Variants in SRSF12 observed in about 807,000 individuals in gnomAD.
SRSF12 encodes the protein serine and arginine rich splicing factor 12, also known as serine/arginine-rich splicing factor 12.
SRSF12 carries 21 observed loss-of-function variants against 34.1 expected under a neutral mutation model. The ratio of observed to expected loss-of-function variants is 0.62; its 90% CI spans 0.44 to 0.89. The LOEUF (loss-of-function observed/expected upper bound fraction) is 0.89, where lower values mean the gene tolerates loss of function less well. SRSF12 is among the 40% of genes least tolerant of loss of function. SRSF12 has a pLI of 0.00. For synonymous variants in SRSF12, 111 were observed against 110.8 expected (o/e 1.00, Z -0.01); for missense variants, 278 against 327.8 (o/e 0.85, Z 1.17).
rs1198476314 is a variant in SRSF12 at position 89,098,586 on chromosome 6, T to G, written c.778A>C (p.Ser260Arg). The G allele has an allele frequency of 6.2e-7, 1 of 1,608,634 alleles. No individual in the cohort carries two copies. The highest frequency in any genetic ancestry group is 8.5e-7 in the Non-Finnish European group (1 of 1,175,810). ...SRSRSYRHKN[S>R]W ...GCTCTTTCTGTTGCTGTTCACCAAC[T>G]GTTTTTATGACGATAACTTCGAGAT... The change falls in exon 5 of 5, where the codon AGT becomes CGT. Residue 260 changes from serine (S) to arginine (R), a missense_variant. Ser to Arg is a moderately radical substitution (Grantham distance 110). Transcript: ENST00000452027.
intron 2 of SRSF12, chr6:89,106,789 ACT>A: frequency 2.8e-6 from 1 of 356,580 alleles, no homozygotes; most frequent in South Asian, 2.2e-5. Context: ...TGACTCTGGA[ACT>A]CTGAGTAAAT....
At chr6:89,105,288 C>T (rs1451286365) in intron 3 of SRSF12, 28 bp from the exon 4 acceptor site, 1 of 1,587,454 alleles carries the variant, frequency 6.3e-7, no homozygotes, top group South Asian at 1.1e-5. Context: ...AGACTTATGA[C>T]ATAATTCGTT....
chr6:89,106,401 C>A (rs1268959143), intron 2 of SRSF12, among the ~76,000 whole-genome samples: 1 of 152,148 alleles, frequency 6.6e-6, no homozygotes, highest in Admixed American at 6.6e-5. Context: ...GCATGAGCCA[C>A]CGCACCCAGC....
chr6:89,099,387 T>G lies in SRSF12; in HGVS notation c.417-440A>C, dbSNP rs185467858. On this transcript the variant is annotated intron_variant, in intron 4 of 4. Transcript: ENST00000452027. ...GACTAATCTTCCCATAGAAAACAGC[T>G]CTCTCTCTCTCTCTCCATATATATA... Among the ~76,000 whole-genome samples, 627 of 64,908 alleles carry G rather than the reference T, an allele frequency of 9.7e-3. 4 individuals are homozygous for G. Among genetic ancestry groups the G allele is most frequent in the African/African-American group, 0.033 (586 of 17,748 alleles). 42.6% of individuals were successfully genotyped at this position (64,908 alleles called of 152,430 possible).
chr6:89,098,521 A>C lies in SRSF12; in HGVS notation c.*57T>G, dbSNP rs1768357974. 1 of 1,516,318 alleles carries C rather than the reference A, an allele frequency of 6.6e-7. No individual in the cohort carries two copies. The highest frequency in any genetic ancestry group is 1.4e-5 in the African/African-American group (1 of 71,826). The allele number at this position is 1,516,318 out of a possible 1,614,324, so 93.9% of individuals were successfully genotyped here. Reference sequence around the variant, plus strand: ...ATGCCTTAAAGAATTTTTATTTAACATAATGAGAGTTTAATAACTTATATT... The same window carrying C: ...ATGCCTTAAAGAATTTTTATTTAACCTAATGAGAGTTTAATAACTTATATT... On this transcript the variant is annotated 3_prime_UTR_variant, in exon 5 of 5. Transcript: ENST00000452027.
chr6:89,117,034 T>C (rs1038942581), intron 1 of SRSF12, among the ~76,000 whole-genome samples: 2 of 151,398 alleles, frequency 1.3e-5, no homozygotes, highest in African/African-American at 2.4e-5. Context: ...CCGTTCCCTC[T>C]CCCCCCGCCC....
intron 4 of SRSF12, among the ~76,000 whole-genome samples, chr6:89,102,682 T>C (rs1225349669): frequency 6.6e-6 from 1 of 152,208 alleles, no homozygotes; most frequent in Non-Finnish European, 1.5e-5. Flanking sequence ...TTTAGAGTTC[T>C]AACATACACA....
intron 1 of SRSF12, 99 bp from the exon 2 acceptor site, chr6:89,107,357 A>T: frequency 1.2e-6 from 1 of 823,422 alleles, no homozygotes; most frequent in Non-Finnish European, 2.0e-6. Context: ...AAAGAACATC[A>T]TCTAGACCAG....
intron 4 of SRSF12, among the ~76,000 whole-genome samples, chr6:89,104,362 G>C (rs1768687895): frequency 6.6e-6 from 1 of 151,420 alleles, no homozygotes; most frequent in Admixed American, 6.6e-5. Context: ...TCAACCTCCT[G>C]AGTAGCTGGG....
chr6:89,117,157 G>T (rs925761811), intron 1 of SRSF12, among the ~76,000 whole-genome samples: 3 of 152,156 alleles, frequency 2.0e-5, no homozygotes, highest in Non-Finnish European at 4.4e-5. Flanking sequence ...TGGGGCATCA[G>T]AATCAACCAG....
chr6:89,117,723 C>A (rs1489714268), intron 1 of SRSF12, 100 bp downstream of exon 1: 1 of 1,210,564 alleles, frequency 8.3e-7, no homozygotes, highest in Non-Finnish European at 1.1e-6. Context: ...AGGCTCCGCG[C>A]AGCTCCCCCG....
At chr6:89,104,601 AAAGTT>A (rs943041666) in intron 4 of SRSF12, among the ~76,000 whole-genome samples, 21 of 149,820 alleles carry the variant, frequency 1.4e-4, no homozygotes, top group Middle Eastern at 3.4e-3. Flanking sequence ...GTAAAAAGAT[AAAGTT>A]AAGTCTGTAA....
intron 1 of SRSF12, among the ~76,000 whole-genome samples, chr6:89,108,628 G>A (rs1768902658): frequency 6.6e-6 from 1 of 152,128 alleles, no homozygotes; most frequent in Non-Finnish European, 1.5e-5. Flanking sequence ...TTGGACAAAT[G>A]GAAAAAAGAT....
chr6:89,117,064 T>C (rs1272040617), intron 1 of SRSF12, among the ~76,000 whole-genome samples: 1 of 152,000 alleles, frequency 6.6e-6, no homozygotes, highest in East Asian at 1.9e-4. Context: ...TCAGCTCCAT[T>C]AAGGAAGGAA....
rs922714847 is a variant in SRSF12, at chr6:89,097,832, C to T, written c.*746G>A. The T allele has an allele frequency of 4.6e-5, 7 of 152,118 alleles. No individual in the cohort carries two copies. The highest frequency in any genetic ancestry group is 8.8e-5 in the Non-Finnish European group (6 of 68,004). 9.4% of individuals were successfully genotyped at this position (152,118 alleles called of 1,614,324 possible). A position where few individuals can be genotyped will look rare whatever the true frequency, so the allele number is the denominator to read the frequency against. ...TGTACCATTCTTCAAATGTGTAAGT[C>T]TTAATATGAATATTTTTGGATTGTG... On this transcript the variant is annotated 3_prime_UTR_variant, in exon 5 of 5. Coordinates refer to ENST00000452027, the MANE Select transcript of SRSF12 (RefSeq NM_080743.5).
Position 89,117,936 on chromosome 6 carries a change from C to T in SRSF12, c.-49G>A. The T allele has an allele frequency of 1.3e-6, 2 of 1,524,242 alleles. No homozygotes were observed. The highest frequency in any genetic ancestry group is 1.2e-5 in the South Asian group (1 of 81,922). 94.4% of individuals were successfully genotyped at this position (1,524,242 alleles called of 1,614,324 possible). On this transcript the variant is annotated 5_prime_UTR_variant, in exon 1 of 5. Coordinates refer to ENST00000452027, the MANE Select transcript of SRSF12 (RefSeq NM_080743.5). ...GGTCTGCCCGCGGCCGCTGGACTCG[C>T]TCCGTCTCCCGCTACCGCTGCTACC...
At chr6:89,111,620 GT>G (rs987616520) in intron 1 of SRSF12, among the ~76,000 whole-genome samples, 84 of 152,026 alleles carry the variant, frequency 5.5e-4, no homozygotes, top group African/African-American at 2.0e-3. Context: ...TCCAATTTTT[GT>G]ATTTTATATC....
rs1330000280 is a variant in SRSF12, at chr6:89,105,531, A to T, written c.171-1T>A. On this transcript the variant is annotated splice_acceptor_variant, in intron 2 of 4. Transcript: ENST00000452027. LOFTEE classifies it high-confidence loss of function. Reference sequence around the variant, plus strand: ...TTCAGCATCTCGAACATCTTCAAATATGACTAGCTGTTAAGGACACTTTGA... The same window carrying T: ...TTCAGCATCTCGAACATCTTCAAATTTGACTAGCTGTTAAGGACACTTTGA... 6.3e-7 allele frequency: 1 copy of T among 1,598,376 alleles called. No individual in the cohort carries two copies.
rs1435067556 is a variant in SRSF12 at position 89,117,955 on chromosome 6, T to G, written c.-68A>C. On this transcript the variant is annotated 5_prime_UTR_variant, in exon 1 of 5. Coordinates refer to ENST00000452027, the MANE Select transcript of SRSF12 (RefSeq NM_080743.5). ...GACTCGCTCCGTCTCCCGCTACCGC[T>G]GCTACCACCACAGGAGCTCCGCCGG... 3 of 1,483,168 alleles carry G rather than the reference T, an allele frequency of 2.0e-6. No individual in the cohort carries two copies. The highest frequency in any genetic ancestry group is 2.7e-6 in the Non-Finnish European group (3 of 1,105,496). The allele number at this position is 1,483,168 out of a possible 1,614,324, so 91.9% of individuals were successfully genotyped here. A position where few individuals can be genotyped will look rare whatever the true frequency, so the allele number is the denominator to read the frequency against.
Sources: allele counts gnomAD v4.1 joint callset (sites outside exome capture counted in the v4.1 genomes callset), GRCh38; gene constraint gnomAD v4.1.1; transcripts MANE v1.5; gene names NCBI Gene and HGNC (gene_info 2026-07-23, HGNC 2026-07-21).